COL4A4: variants seen among roughly 807,000 people sequenced by gnomAD.
The protein encoded by COL4A4 is collagen alpha-4(IV) chain.
COL4A4 carries 105 observed loss-of-function variants against 192.9 expected under a neutral mutation model. The ratio of observed to expected loss-of-function variants is 0.54; its 90% confidence interval spans 0.46 to 0.64. COL4A4 has a LOEUF of 0.64. Among genes scored for constraint, COL4A4 ranks in the 30% least tolerant of loss-of-function variants. The pLI, the probability that COL4A4 is intolerant of heterozygous loss-of-function variation, is 0.00. For missense variants in COL4A4, 1,967 were observed against 2,169.3 expected, an observed-to-expected ratio of 0.91 and a Z score of 1.85; for synonymous variants, 762 against 769.9, an observed-to-expected ratio of 0.99 and a Z score of 0.17.
chr2:227,161,854 A>C (rs112221925), intron 1 of COL4A4, among the ~76,000 whole-genome samples: 65 of 152,176 alleles, frequency 4.3e-4, no homozygotes, highest in African/African-American at 1.5e-3. Context: ...GCTTGCCTCC[A>C]GCCATTTTAG....
intron 25 of COL4A4, among the ~76,000 whole-genome samples, chr2:227,069,678 G>A (rs1410057986): frequency 2.0e-5 from 3 of 152,198 alleles, no homozygotes; most frequent in Admixed American, 2.0e-4. Context: ...GTAGAAAGCT[G>A]AAACCAGATC....
At chr2:227,079,379 T>C (rs1402355431) in intron 24 of COL4A4, among the ~76,000 whole-genome samples, 1 of 152,194 alleles carries the variant, frequency 6.6e-6, no homozygotes, top group East Asian at 1.9e-4. Flanking sequence ...GTGACAGTGA[T>C]TTCTAAGTAG....
At chr2:226,986,456 CA>C in the COL4A4 span, among the ~76,000 whole-genome samples, 2 of 151,570 alleles carry the variant, frequency 1.3e-5, no homozygotes, top group East Asian at 3.9e-4. Flanking sequence ...AAAATTATTC[CA>C]AAATAAAAAG....
intron 1 of COL4A4, among the ~76,000 whole-genome samples, chr2:227,148,476 G>T (rs1478419947): frequency 6.6e-6 from 1 of 152,182 alleles, no homozygotes; most frequent in Non-Finnish European, 1.5e-5. Flanking sequence ...ATTAATAGTT[G>T]TCAGGGTTTG....
rs1171519658 is a variant in COL4A4 at position 227,032,057 on chromosome 2, TAAG to T, written c.3707-5_3707-3del. The T allele has an allele frequency of 6.2e-7, 1 of 1,613,800 alleles. No homozygotes were observed. The highest frequency in any genetic ancestry group is 8.5e-7 in the Non-Finnish European group (1 of 1,179,864). On this transcript the variant is annotated splice_region_variant and splice_polypyrimidine_tract_variant and intron_variant, in intron 39 of 47. Transcript: ENST00000396625. ...CAGGACCAGGTGGTCCTGAACTCCC[TAAG>T]AAGAGACATGTTCACATGTTATCCT...
the COL4A4 span, among the ~76,000 whole-genome samples, chr2:226,993,676 A>G: frequency 8.6e-3 from 1,317 of 152,302 alleles, 26 homozygotes; most frequent in African/African-American, 0.03. Context: ...CATGCTCTCA[A>G]CAGGAAAGGA....
chr2:227,133,050 C>T (rs1265515173), intron 4 of COL4A4, among the ~76,000 whole-genome samples: 2 of 152,168 alleles, frequency 1.3e-5, no homozygotes, highest in Non-Finnish European at 2.9e-5. Flanking sequence ...GCACCTGTAT[C>T]GCTAGCCCTT....
At chr2:227,074,409 G>A (rs1416937974) in intron 25 of COL4A4, among the ~76,000 whole-genome samples, 1 of 152,040 alleles carries the variant, frequency 6.6e-6, no homozygotes, top group East Asian at 1.9e-4. Flanking sequence ...AATAGATATT[G>A]GCATGGATGT....
chr2:226,995,497 G>T, the COL4A4 span: 31 of 1,612,346 alleles, frequency 1.9e-5, no homozygotes, highest in Non-Finnish European at 2.5e-5. Flanking sequence ...AGGAGACAGC[G>T]GCTTCACAGA....
intron 43 of COL4A4, among the ~76,000 whole-genome samples, chr2:227,023,717 A>C (rs1399065392): frequency 3.9e-5 from 6 of 152,220 alleles, no homozygotes; most frequent in African/African-American, 1.4e-4. Context: ...GGTATGAACA[A>C]GAACACTCAG....
intron 19 of COL4A4, 73 bp from the exon 20 acceptor site, chr2:227,094,362 G>C (rs2060097082): frequency 6.7e-7 from 1 of 1,482,124 alleles, no homozygotes. Context: ...AATCAAGATT[G>C]GTACACACTT....
intron 28 of COL4A4, 70 bp from the exon 29 acceptor site, chr2:227,057,670 C>A: frequency 6.7e-7 from 1 of 1,487,294 alleles, no homozygotes; most frequent in South Asian, 1.2e-5. Flanking sequence ...ATGAATTGTT[C>A]ACGCATATCA....
intron 2 of COL4A4, among the ~76,000 whole-genome samples, chr2:227,145,379 A>G (rs911797872): frequency 2.6e-5 from 4 of 152,188 alleles, no homozygotes; most frequent in Non-Finnish European, 2.9e-5. Context: ...CCCGGAAGGC[A>G]GAGATTGCAG....
chr2:227,124,331 A>C (rs969839508), intron 4 of COL4A4, among the ~76,000 whole-genome samples: 1 of 152,224 alleles, frequency 6.6e-6, no homozygotes, highest in Non-Finnish European at 1.5e-5. Flanking sequence ...CTTCTTCACC[A>C]ACCTCATACT....
At chr2:227,047,446 G>A (rs1486705845) in intron 35 of COL4A4, 29 bp downstream of exon 35, 1 of 1,552,474 alleles carries the variant, frequency 6.4e-7, no homozygotes, top group East Asian at 2.2e-5. Context: ...TACTTTTTTT[G>A]TTTTAGTAAG....
chr2:227,154,304 C>T (rs1199561837), intron 1 of COL4A4, among the ~76,000 whole-genome samples: 3 of 152,152 alleles, frequency 2.0e-5, no homozygotes, highest in Non-Finnish European at 2.9e-5. Context: ...GATCTGAGAT[C>T]TTCCAAATCA....
chr2:227,160,911 G>A (rs1291444414), intron 1 of COL4A4, among the ~76,000 whole-genome samples: 2 of 152,190 alleles, frequency 1.3e-5, no homozygotes, highest in Non-Finnish European at 2.9e-5. Flanking sequence ...GAGCCTAATT[G>A]TTTCAGAGGT....
Position 227,007,308 on chromosome 2 carries a change from G to A in COL4A4, c.*17C>T, listed in dbSNP as rs770546330. On this transcript the variant is annotated 3_prime_UTR_variant, in exon 48 of 48. Transcript: ENST00000396625. ...AGGAAGTTTCTCTTGGCCACGTGTT[G>A]GTGAATTTCGCATTCTCTAGCTATA... 2.5e-6 allele frequency: 4 copies of A among 1,614,014 alleles called. No individual in the cohort carries two copies. In the African/African-American group the frequency reaches 5.3e-5, roughly 22 times the overall value.
intron 44 of COL4A4, among the ~76,000 whole-genome samples, chr2:227,013,994 A>C (rs780409511): frequency 6.6e-6 from 1 of 152,276 alleles, no homozygotes; most frequent in Non-Finnish European, 1.5e-5. Context: ...ATGGAGGTTT[A>C]AGGAGGTTTG....
Sources: allele counts gnomAD v4.1 joint callset (sites outside exome capture counted in the v4.1 genomes callset), GRCh38; gene constraint gnomAD v4.1.1; transcripts MANE v1.5; gene names NCBI Gene and HGNC (gene_info 2026-07-23, HGNC 2026-07-21).